Variants in FOXJ3 observed in about 807,000 individuals in gnomAD.
FOXJ3 encodes the protein forkhead box protein J3.
In FOXJ3, 22 loss-of-function variants were observed where a neutral mutation model predicts 76.1. The ratio of observed to expected loss-of-function variants is 0.29; its 90% CI spans 0.21 to 0.41. The LOEUF is 0.41. Among genes scored for constraint, FOXJ3 ranks in the 10% least tolerant of loss-of-function variants. The probability of loss-of-function intolerance (pLI) is 1.00; values close to 1 mark genes in which losing one functional copy is unlikely to be tolerated. For missense variants in FOXJ3, 613 were observed against 762.1 expected (o/e 0.80, Z 2.30); for synonymous variants, 269 against 261.2 (o/e 1.03, Z -0.29).
Position 42,179,729 on chromosome 1 carries a change from T to C in FOXJ3, c.1850A>G (p.Asp617Gly). The C allele has an allele frequency of 6.2e-7, 1 of 1,612,252 alleles. No homozygotes were observed. The highest frequency in any genetic ancestry group is 8.5e-7 in the Non-Finnish European group (1 of 1,178,302). The part of the protein sequence containing the change: ...LPPDDIQDDF[D>G]WDSIV ...CAAGCCCTACACAATTGAATCCCAA[T>C]CAAAGTCATCCTGGATGTCATCTGG... Residue 617 changes from aspartate to glycine, a missense_variant, in exon 13 of 13, where the codon GAT becomes GGT. Physicochemically the swap from Asp to Gly is moderately conservative, Grantham distance 94. Transcript: ENST00000361346.
intron 1 of FOXJ3, among the ~76,000 whole-genome samples, chr1:42,332,817 A>C (rs1656240327): frequency 6.6e-6 from 1 of 152,110 alleles, no homozygotes; most frequent in South Asian, 2.1e-4. Flanking sequence ...CACTCTCCTG[A>C]AATACACCTC....
At chr1:42,224,127 G>T (rs1647358457) in intron 5 of FOXJ3, among the ~76,000 whole-genome samples, 2 of 152,158 alleles carry the variant, frequency 1.3e-5, no homozygotes, top group Admixed American at 1.3e-4. Context: ...TTAACAACTT[G>T]CCAAAAGTCA....
chr1:42,252,488 T>C (rs1288816528), intron 4 of FOXJ3, among the ~76,000 whole-genome samples: 1 of 152,226 alleles, frequency 6.6e-6, no homozygotes, highest in Non-Finnish European at 1.5e-5. Flanking sequence ...TCATTTTTTA[T>C]TGCGTCTATT....
intron 1 of FOXJ3, among the ~76,000 whole-genome samples, chr1:42,317,979 A>G (rs1205398010): frequency 3.3e-5 from 5 of 152,170 alleles, no homozygotes; most frequent in African/African-American, 7.2e-5. Flanking sequence ...TCTCTGTTAT[A>G]TTCCCAAAAC....
chr1:42,194,938 A>G lies in FOXJ3; in HGVS notation c.886T>C (p.Phe296Leu), dbSNP rs1646622229. Residue 296 changes from phenylalanine to leucine, a missense_variant, in exon 8 of 13, where the codon TTT becomes CTT. By Grantham distance (22) the Phe-to-Leu change is conservative. Coordinates refer to ENST00000361346, the MANE Select transcript of FOXJ3 (RefSeq NM_014947.5). ...AAAACTGACTTATAAAGGCTCCGAA[A>G]TGAGGCACTAAGATCTTCAAAATTA... ...EYNFEDLSAS[F>L]RSLYKSVFEQ... is the part of the protein sequence containing the mutation. The G allele has an allele frequency of 6.2e-7, 1 of 1,612,652 alleles. No individual in the cohort carries two copies.
At chr1:42,335,308 T>A (rs867203013), upstream of FOXJ3, 5 of 152,044 alleles carry the variant, frequency 3.3e-5, no homozygotes, top group African/African-American at 4.8e-5. Flanking sequence ...CGGCCCGGCG[T>A]CAGCGGCGTC....
At chr1:42,309,437 C>A (rs562817063) in intron 2 of FOXJ3, among the ~76,000 whole-genome samples, 3 of 152,276 alleles carry the variant, frequency 2.0e-5, no homozygotes, top group South Asian at 2.1e-4. Context: ...TTCAGTGAAG[C>A]CTTCCCTTAG....
chr1:42,262,019 T>G (rs1037880761), intron 4 of FOXJ3, among the ~76,000 whole-genome samples: 4 of 152,244 alleles, frequency 2.6e-5, no homozygotes, highest in African/African-American at 9.6e-5. Context: ...ACTTTTTCTG[T>G]AATTCCAGGT....
At chr1:42,299,492 TA>T (rs1384691810) in intron 2 of FOXJ3, among the ~76,000 whole-genome samples, 1 of 151,992 alleles carries the variant, frequency 6.6e-6, no homozygotes, top group Non-Finnish European at 1.5e-5. Context: ...TAACTGTCTT[TA>T]ACCAGTGTGT....
intron 6 of FOXJ3, among the ~76,000 whole-genome samples, chr1:42,204,606 A>AT (rs948500694): frequency 5.9e-5 from 9 of 152,056 alleles, no homozygotes; most frequent in African/African-American, 2.2e-4. Context: ...ATTAGAGATC[A>AT]TTTTTTAAAG....
In FOXJ3 at chr1:42,179,671, A is replaced by G. The variant is rs1646277876; in HGVS notation, c.*39T>C. 7.9e-7 allele frequency: 1 copy of G among 1,265,014 alleles called. No homozygotes were observed. Among genetic ancestry groups the G allele is most frequent in the Non-Finnish European group, 1.2e-6 (1 of 862,928 alleles). The allele number at this position is 1,265,014 out of a possible 1,614,324, so 78.4% of individuals were successfully genotyped here. On this transcript the variant is annotated 3_prime_UTR_variant, in exon 13 of 13. Coordinates refer to ENST00000361346, the MANE Select transcript of FOXJ3 (RefSeq NM_014947.5). The stretch of plus-strand genomic sequence containing the variant: ...TAAACCTTTCCCTTCACTGCACAGA[A>G]AGGTAACGTTAGGGTCTGGTGTCTT...
intron 4 of FOXJ3, among the ~76,000 whole-genome samples, chr1:42,230,580 G>A (rs904409312): frequency 5.3e-5 from 8 of 152,092 alleles, no homozygotes; most frequent in African/African-American, 1.7e-4. Context: ...AAAACAAAAC[G>A]TTGACTGTAA....
At chr1:42,331,856 G>C (rs1463253287) in intron 1 of FOXJ3, among the ~76,000 whole-genome samples, 2 of 151,852 alleles carry the variant, frequency 1.3e-5, no homozygotes. Flanking sequence ...AAAAGTTTAA[G>C]GAGAGAAGCG....
intron 3 of FOXJ3, among the ~76,000 whole-genome samples, chr1:42,272,743 T>C (rs989067943): frequency 6.6e-6 from 1 of 152,220 alleles, no homozygotes; most frequent in Non-Finnish European, 1.5e-5. Context: ...GTAGACGTCA[T>C]CAAAAATGAA....
chr1:42,325,709 C>T (rs1285447741), intron 1 of FOXJ3, among the ~76,000 whole-genome samples: 1 of 152,110 alleles, frequency 6.6e-6, no homozygotes, highest in Non-Finnish European at 1.5e-5. Flanking sequence ...AATTGGAGTG[C>T]TATTTCTAGA....
intron 5 of FOXJ3, among the ~76,000 whole-genome samples, chr1:42,226,572 C>T (rs983507181): frequency 2.0e-5 from 3 of 151,956 alleles, no homozygotes; most frequent in Admixed American, 1.3e-4. Context: ...CATGCCATTG[C>T]ACTCTAGCCT....
intron 4 of FOXJ3, among the ~76,000 whole-genome samples, chr1:42,257,737 C>CAAAAAAAAAAA (rs10660267): frequency 7.6e-6 from 1 of 131,982 alleles, no homozygotes; most frequent in Non-Finnish European, 1.6e-5. Flanking sequence ...GACTCTGTCT[C>CAAAAAAAAAAA]AAAAAAAAAA....
At chr1:42,229,873 A>G (rs1647922368) in intron 4 of FOXJ3, among the ~76,000 whole-genome samples, 1 of 152,164 alleles carries the variant, frequency 6.6e-6, no homozygotes, top group African/African-American at 2.4e-5. Context: ...TTTAAAAACC[A>G]CTTTTCATAG....
chr1:42,284,920 A>C (rs574744143), intron 2 of FOXJ3, among the ~76,000 whole-genome samples: 1 of 152,226 alleles, frequency 6.6e-6, no homozygotes, highest in Non-Finnish European at 1.5e-5. Context: ...ATGTTGCAGA[A>C]ATCTAAAATT....
Sources: allele counts gnomAD v4.1 joint callset (sites outside exome capture counted in the v4.1 genomes callset), GRCh38; gene constraint gnomAD v4.1.1; transcripts MANE v1.5; gene names NCBI Gene and HGNC (gene_info 2026-07-23, HGNC 2026-07-21).